DNAH6: variants seen among roughly 807,000 people sequenced by gnomAD.
DNAH6 encodes the protein axonemal beta dynein heavy chain 6.
Under a neutral mutation model 491.4 loss-of-function variants are expected in DNAH6, and 340 were observed. The observed-to-expected ratio is 0.69, with a 90% CI of 0.63 to 0.76. The LOEUF is 0.76. DNAH6 is among the 30% of genes least tolerant of loss of function. The probability of loss-of-function intolerance (pLI) is 0.00; values close to 1 mark genes in which losing one functional copy is unlikely to be tolerated. For synonymous variants in DNAH6, 1,603 were observed against 1,686.1 expected, an observed-to-expected ratio of 0.95 and a Z score of 1.21; for missense variants, 4,443 against 4,972.2, an observed-to-expected ratio of 0.89 and a Z score of 3.20.
At chr2:84,714,797 A>C (rs943049492) in intron 57 of DNAH6, among the ~76,000 whole-genome samples, 8 of 151,618 alleles carry the variant, frequency 5.3e-5, no homozygotes, top group Admixed American at 1.3e-4. Flanking sequence ...CATTTCCAGG[A>C]ACCTCACGTC....
chr2:84,736,877 G>A (rs1194761758), intron 62 of DNAH6, among the ~76,000 whole-genome samples: 1 of 152,064 alleles, frequency 6.6e-6, no homozygotes, highest in Non-Finnish European at 1.5e-5. Flanking sequence ...GAATAGGAGT[G>A]GTGAGAGTAG....
intron 39 of DNAH6, 54 bp downstream of exon 39, chr2:84,670,529 A>C: frequency 2.5e-6 from 3 of 1,206,996 alleles, no homozygotes; most frequent in Non-Finnish European, 3.5e-6. Context: ...AAGCTAATAA[A>C]TGACATAAAT....
chr2:84,617,094 G>C lies in DNAH6; in HGVS notation c.3572+112G>C, dbSNP rs912610160. On this transcript the variant is annotated intron_variant, in intron 23 of 76. Coordinates refer to ENST00000389394, the MANE Select transcript of DNAH6 (RefSeq NM_001370.2). ...AGGAACTAGAGAGAGAAACAAAAAA[G>C]ATCTACGATAATGAAAATCCAACTA... 7.1e-5 allele frequency: 42 copies of C among 594,712 alleles called. No individual in the cohort carries two copies. The East Asian group carries it at 1.5e-3, about 21-fold the overall frequency. The allele number at this position is 594,712 out of a possible 1,614,324, so 36.8% of individuals were successfully genotyped here. A position where few individuals can be genotyped will look rare whatever the true frequency, so the allele number is the denominator to read the frequency against.
At chr2:84,551,632 C>T (rs1679375669) in intron 9 of DNAH6, among the ~76,000 whole-genome samples, 1 of 152,070 alleles carries the variant, frequency 6.6e-6, no homozygotes, top group South Asian at 2.1e-4. Flanking sequence ...GATTTTTCCC[C>T]TTAGAAAAAA....
the DNAH6 span, among the ~76,000 whole-genome samples, chr2:84,465,992 C>T: frequency 2.6e-5 from 4 of 152,210 alleles, no homozygotes; most frequent in African/African-American, 9.6e-5. Flanking sequence ...ATGGAACTCT[C>T]TTCCATAGAA....
intron 71 of DNAH6, among the ~76,000 whole-genome samples, chr2:84,806,546 G>T (rs1679426072): frequency 6.8e-6 from 1 of 148,032 alleles, no homozygotes; most frequent in Non-Finnish European, 1.5e-5. Context: ...GTGAACCCGG[G>T]AGGCGGAGCT....
In DNAH6 at chr2:84,583,998, G is replaced by C. The variant is rs1355819467; in HGVS notation, c.2230-1G>C. 9.9e-6 allele frequency: 16 copies of C among 1,612,478 alleles called. No individual in the cohort carries two copies. Among genetic ancestry groups the C allele is most frequent in the Non-Finnish European group, 1.4e-5 (16 of 1,179,080 alleles). On this transcript the variant is annotated splice_acceptor_variant, in intron 14 of 76. Coordinates refer to ENST00000389394, the MANE Select transcript of DNAH6 (RefSeq NM_001370.2). LOFTEE classifies it high-confidence loss of function. ...AATGAGCAAACTATGTTTCCATTTA[G>C]ATTGAAAGCCTTGAAGATGAGGGGA...
intron 64 of DNAH6, among the ~76,000 whole-genome samples, chr2:84,764,845 G>A (rs528769803): frequency 1.3e-5 from 2 of 152,086 alleles, no homozygotes; most frequent in Admixed American, 1.3e-4. Flanking sequence ...ACCTACCTAA[G>A]TTGATTCCGT....
the DNAH6 span, among the ~76,000 whole-genome samples, chr2:84,510,274 C>A: frequency 1.0e-3 from 155 of 152,250 alleles, no homozygotes; most frequent in African/African-American, 3.5e-3. Context: ...TTGTTCGTTT[C>A]TTTTTATTCT....
the DNAH6 span, among the ~76,000 whole-genome samples, chr2:84,470,117 CG>C: frequency 1.3e-5 from 2 of 152,110 alleles, no homozygotes; most frequent in Admixed American, 6.6e-5. Flanking sequence ...TCCTATGAGT[CG>C]GGGGTCTCTT....
In DNAH6 at chr2:84,705,524, C is replaced by CT; in HGVS notation, c.8505dup (p.Asn2836Ter). The CT allele has an allele frequency of 2.6e-6, 4 of 1,550,920 alleles. No individual in the cohort carries two copies. Among genetic ancestry groups the CT allele is most frequent in the Non-Finnish European group, 3.5e-6 (4 of 1,146,738 alleles). On this transcript the variant is annotated frameshift_variant, in exon 52 of 77. Transcript: ENST00000389394. LOFTEE classifies it high-confidence loss of function. ...TCAGCAAAGCAACTTCTTGGTGACT[C>CT]TAACTTTCTAAAAAGGCTTTTAGAA...
intron 44 of DNAH6, among the ~76,000 whole-genome samples, chr2:84,687,247 A>G (rs1438444658): frequency 6.6e-6 from 1 of 152,154 alleles, no homozygotes; most frequent in East Asian, 1.9e-4. Flanking sequence ...CCCTGCCTAC[A>G]TTGGCAGATA....
At chr2:84,708,207 G>A (rs1696658781) in intron 54 of DNAH6, among the ~76,000 whole-genome samples, 1 of 152,042 alleles carries the variant, frequency 6.6e-6, no homozygotes, top group Non-Finnish European at 1.5e-5. Flanking sequence ...GGAGGCCAAG[G>A]CGGGTGGATC....
At chr2:84,808,220 T>C (rs1345165885) in intron 71 of DNAH6, among the ~76,000 whole-genome samples, 195 bp from the exon 72 acceptor site, 1 of 152,108 alleles carries the variant, frequency 6.6e-6, no homozygotes, top group Non-Finnish European at 1.5e-5. Context: ...TTTCTGTGAT[T>C]GCTTCTATAT....
At chr2:84,487,472 C>G in the DNAH6 span, among the ~76,000 whole-genome samples, 2 of 152,210 alleles carry the variant, frequency 1.3e-5, no homozygotes, top group Non-Finnish European at 2.9e-5. Context: ...TATTCATCCC[C>G]CTAGCCACAT....
Position 84,658,909 on chromosome 2 carries a change from GC to G in DNAH6, c.5941-114del, listed in dbSNP as rs1432356627. On this transcript the variant is annotated intron_variant, in intron 36 of 76. Coordinates refer to ENST00000389394, the MANE Select transcript of DNAH6 (RefSeq NM_001370.2). ...GTGAAGTATAAGAAATATACACTGT[GC>G]CCATTTAAAAATGTGTGAGTCTAAA... The G allele has an allele frequency of 1.3e-5, 8 of 601,434 alleles. No homozygotes were observed. In the African/African-American group the frequency reaches 1.5e-4, roughly 12 times the overall value. 37.3% of individuals were successfully genotyped at this position (601,434 alleles called of 1,614,324 possible). A position where few individuals can be genotyped will look rare whatever the true frequency, so the allele number is the denominator to read the frequency against.
chr2:84,723,313 T>C (rs1165046519), intron 60 of DNAH6, among the ~76,000 whole-genome samples: 1 of 152,040 alleles, frequency 6.6e-6, no homozygotes, highest in Non-Finnish European at 1.5e-5. Flanking sequence ...TTATTATATA[T>C]ATATATAAAA....
chr2:84,704,416 G>T lies in DNAH6; in HGVS notation c.8465+114G>T, dbSNP rs1573544136. ...TCTCCACCTTCTCATTGCTTCAGTT[G>T]GTCATTCAACAAATTGATTCAAGGA... On this transcript the variant is annotated intron_variant, in intron 51 of 76. Transcript: ENST00000389394. 8 of 776,120 alleles carry T rather than the reference G, an allele frequency of 1.0e-5. No individual in the cohort carries two copies. In the East Asian group the frequency reaches 1.9e-4, roughly 18 times the overall value. 48.1% of individuals were successfully genotyped at this position (776,120 alleles called of 1,614,324 possible).
intron 64 of DNAH6, among the ~76,000 whole-genome samples, chr2:84,765,654 G>A (rs1675007541): frequency 6.6e-6 from 1 of 151,974 alleles, no homozygotes; most frequent in Non-Finnish European, 1.5e-5. Context: ...TCCAAAAGCA[G>A]ATAGGAATAA....
Sources: gnomAD v4.1 joint callset for allele counts (sites outside exome capture counted in the v4.1 genomes callset) on GRCh38, gnomAD v4.1.1 for gene constraint, MANE v1.5 for transcripts, NCBI Gene and HGNC (gene_info 2026-07-23, HGNC 2026-07-21) for gene names.